EYS: variants seen among roughly 807,000 people sequenced by gnomAD.
EYS encodes the protein protein eyes shut homolog.
Under a neutral mutation model 282.1 loss-of-function variants are expected in EYS, and 250 were observed. The ratio of observed to expected loss-of-function variants is 0.89; its 90% CI spans 0.80 to 0.98. The LOEUF is 0.98. Ranked by LOEUF, EYS falls within the 50% of genes least tolerant of loss-of-function variation. The pLI is 0.00. For missense variants in EYS, 4,016 were observed against 3,709.0 expected (o/e 1.08, Z -2.15); for synonymous variants, 1,355 against 1,282.9 (o/e 1.06, Z -1.20).
chr6:64,523,666 T>A (rs561765095), intron 26 of EYS, among the ~76,000 whole-genome samples: 1 of 151,656 alleles, frequency 6.6e-6, no homozygotes, highest in African/African-American at 2.4e-5. Context: ...GAGGAATGGG[T>A]GTGATAAAAG....
chr6:63,721,948 C>T (rs770498785), intron 42 of EYS, among the ~76,000 whole-genome samples, 151 bp from the exon 43 acceptor site: 8 of 152,138 alleles, frequency 5.3e-5, no homozygotes, highest in Non-Finnish European at 1.2e-4. Flanking sequence ...TTTCCACTCA[C>T]AGAGCAAAAT....
At chr6:65,129,659 A>C (rs773558661) in intron 12 of EYS, among the ~76,000 whole-genome samples, 1 of 152,036 alleles carries the variant, frequency 6.6e-6, no homozygotes, top group Non-Finnish European at 1.5e-5. Flanking sequence ...AAGTGATAAA[A>C]TAACAGGTTA....
intron 2 of EYS, among the ~76,000 whole-genome samples, chr6:65,504,632 TTC>T (rs1766590470): frequency 6.6e-6 from 1 of 151,648 alleles, no homozygotes; most frequent in African/African-American, 2.4e-5. Flanking sequence ...AAAATATTTT[TTC>T]TGTGTCAGTT....
chr6:65,022,700 AT>A (rs1417260116), intron 13 of EYS, among the ~76,000 whole-genome samples: 3 of 149,096 alleles, frequency 2.0e-5, no homozygotes, highest in Admixed American at 1.3e-4. Context: ...AATATATATT[AT>A]TTTTTAAACA....
At chr6:65,639,751 T>C (rs1388746139) in intron 2 of EYS, 27 bp downstream of exon 2, 1 of 152,074 alleles carries the variant, frequency 6.6e-6, no homozygotes, top group Non-Finnish European at 1.5e-5. Context: ...ACAGAACCTG[T>C]TTTTTCCTCA....
intron 5 of EYS, among the ~76,000 whole-genome samples, chr6:65,474,638 A>G (rs1338360818): frequency 6.6e-6 from 1 of 152,184 alleles, no homozygotes; most frequent in Non-Finnish European, 1.5e-5. Flanking sequence ...GCTGGCATCA[A>G]CTTCCAGATT....
At chr6:65,455,489 G>T (rs1429418653) in intron 5 of EYS, among the ~76,000 whole-genome samples, 1 of 151,874 alleles carries the variant, frequency 6.6e-6, no homozygotes, top group Admixed American at 6.6e-5. Context: ...TGACTGAAAA[G>T]ATAAAATTCA....
chr6:65,199,897 G>A (rs565912228), intron 12 of EYS, among the ~76,000 whole-genome samples: 11 of 152,194 alleles, frequency 7.2e-5, no homozygotes, highest in African/African-American at 9.6e-5. Context: ...CCTAGATTGC[G>A]AAAACATGTT....
chr6:65,020,986 G>A (rs568141310), intron 13 of EYS, among the ~76,000 whole-genome samples: 1 of 152,260 alleles, frequency 6.6e-6, no homozygotes, highest in East Asian at 1.9e-4. Context: ...GCTGCACACA[G>A]CAGTGGGGCC....
intron 19 of EYS, among the ~76,000 whole-genome samples, chr6:64,835,610 T>A (rs1023015751): frequency 2.0e-5 from 3 of 151,688 alleles, no homozygotes; most frequent in African/African-American, 7.2e-5. Context: ...TAGGTACCAG[T>A]TGTGTCCTTA....
intron 30 of EYS, among the ~76,000 whole-genome samples, chr6:64,291,601 T>C (rs994127707): frequency 2.0e-5 from 3 of 152,068 alleles, no homozygotes; most frequent in Admixed American, 6.6e-5. Flanking sequence ...AGTGAAACTA[T>C]ATTTCAGTTA....
chr6:64,262,366 T>A (rs2150353627), intron 30 of EYS, among the ~76,000 whole-genome samples: 1 of 151,506 alleles, frequency 6.6e-6, no homozygotes, highest in African/African-American at 2.4e-5. Context: ...TTTTGTAATT[T>A]GCAAAAAATA....
chr6:64,922,028 T>A (rs1768360296), intron 15 of EYS, among the ~76,000 whole-genome samples: 1 of 151,762 alleles, frequency 6.6e-6, no homozygotes, highest in Non-Finnish European at 1.5e-5. Context: ...TCAAAGAGTG[T>A]TTGGGGTAGA....
chr6:65,330,573 A>T (rs143908812), intron 11 of EYS: 21 of 975,122 alleles, frequency 2.2e-5, no homozygotes, highest in Non-Finnish European at 2.2e-5. Context: ...TTTGCAATAC[A>T]TCATTTATAT....
chr6:65,044,550 T>C (rs1487955993), intron 13 of EYS, among the ~76,000 whole-genome samples: 3 of 151,860 alleles, frequency 2.0e-5, no homozygotes, highest in African/African-American at 7.2e-5. Context: ...GTAATAATTA[T>C]ATTCTTGACA....
At chr6:65,512,494 A>T (rs1184888130) in intron 2 of EYS, among the ~76,000 whole-genome samples, 1 of 12,790 alleles carries the variant, frequency 7.8e-5, no homozygotes, top group African/African-American at 1.0e-3. Context: ...CTCTATCTCA[A>T]AAAAAAAAAA....
intron 34 of EYS, among the ~76,000 whole-genome samples, chr6:63,994,661 A>C (rs2149798908): frequency 6.6e-6 from 1 of 152,056 alleles, no homozygotes; most frequent in South Asian, 2.1e-4. Context: ...AACTATTTTC[A>C]AGAAGGTAAC....
At chr6:65,298,261 T>C (rs1326774749) in intron 11 of EYS, among the ~76,000 whole-genome samples, 6 of 151,996 alleles carry the variant, frequency 3.9e-5, no homozygotes, top group African/African-American at 1.4e-4. Context: ...GCTCAGATAC[T>C]ATAACAAACA....
intron 29 of EYS, among the ~76,000 whole-genome samples, chr6:64,344,663 A>G (rs1205398638): frequency 5.3e-5 from 8 of 151,988 alleles, no homozygotes; most frequent in African/African-American, 1.9e-4. Flanking sequence ...CTCTCTCACC[A>G]CTCCTATTCA....
Sources: gnomAD v4.1 joint callset for allele counts (sites outside exome capture counted in the v4.1 genomes callset) on GRCh38, gnomAD v4.1.1 for gene constraint, MANE v1.5 for transcripts, NCBI Gene and HGNC (gene_info 2026-07-23, HGNC 2026-07-21) for gene names.